Variants in KIAA0232 observed in about 807,000 individuals in gnomAD.
The protein encoded by KIAA0232 is KIAA0232.
Under a neutral mutation model 122.0 loss-of-function variants are expected in KIAA0232, and 27 were observed. That is an observed-to-expected ratio of 0.22 (90% CI 0.16 to 0.31). The LOEUF (loss-of-function observed/expected upper bound fraction) is 0.31. Ranked by LOEUF, KIAA0232 falls within the 10% of genes least tolerant of loss-of-function variation. KIAA0232 has a pLI of 1.00. For synonymous variants in KIAA0232, 613 were observed against 587.6 expected, an observed-to-expected ratio of 1.04 and a Z score of -0.63; for missense variants, 1,551 against 1,634.2, an observed-to-expected ratio of 0.95 and a Z score of 0.88.
rs201746856 is a variant in KIAA0232, at chr4:6,864,479, C to A, written c.3801+296C>A. ...ATTGGCCGGGTGCAGTGGCTCACGC[C>A]TGTAATCCCAGCACTTTGGGAGGCC... On this transcript the variant is annotated intron_variant, in intron 7 of 9. Transcript: ENST00000307659. 3.9e-5 allele frequency among the ~76,000 whole-genome samples: 6 copies of A among 152,182 alleles called. No homozygotes were observed. In the East Asian group the frequency reaches 5.8e-4, roughly 15 times the overall value.
intron 7 of KIAA0232, chr4:6,866,225 A>T (rs1721174044): frequency 1.0e-6 from 1 of 983,904 alleles, no homozygotes; most frequent in Non-Finnish European, 1.2e-6. Context: ...AAGAAGCAAG[A>T]TTCTACATCA....
intron 3 of KIAA0232, among the ~76,000 whole-genome samples, chr4:6,827,456 C>G (rs1718751669): frequency 6.6e-6 from 1 of 152,222 alleles, no homozygotes; most frequent in Non-Finnish European, 1.5e-5. Flanking sequence ...CTTTCCTGAT[C>G]TCTGGCTCAT....
rs1720887767 is a variant in KIAA0232, at chr4:6,861,861, G to A, written c.1479G>A (p.Glu493=). 1 of 1,614,000 alleles carries A rather than the reference G, an allele frequency of 6.2e-7. No individual in the cohort carries two copies. Among genetic ancestry groups the A allele is most frequent in the Non-Finnish European group, 8.5e-7 (1 of 1,179,958 alleles). Residue 493 remains glutamate, a synonymous_variant, in exon 7 of 10, where the codon GAG becomes GAA. Transcript: ENST00000307659. The part of the protein sequence containing the change: ...LTGTSLCSLP[E]DNKYLDDIHL... ...GGACCTCATTATGTTCTCTACCAGA[G>A]GACAATAAATACCTGGATGATATTC...
At chr4:6,844,675 ATCCACCTGCT>A (rs946745076) in intron 4 of KIAA0232, among the ~76,000 whole-genome samples, 1 of 152,152 alleles carries the variant, frequency 6.6e-6, no homozygotes, top group Non-Finnish European at 1.5e-5. Flanking sequence ...ACCTCAGGTG[ATCCACCTGCT>A]TCCACCTCCT....
At chr4:6,786,490 G>C (rs1023376902) in intron 1 of KIAA0232, among the ~76,000 whole-genome samples, 6 of 151,864 alleles carry the variant, frequency 4.0e-5, no homozygotes, top group African/African-American at 1.5e-4. Flanking sequence ...TTGTTTTTTT[G>C]TAGAAACGGG....
In KIAA0232 at chr4:6,783,699, G is replaced by A. The variant is rs548922581; in HGVS notation, c.-354+858G>A. On this transcript the variant is annotated intron_variant, in intron 1 of 9. Transcript: ENST00000307659. ...CCTATGGCGCGGGGCGCGGCGCGGG[G>A]GGCGGGCCTGGCGGGCGGGGCCGGT... 3.2e-3 allele frequency among the ~76,000 whole-genome samples: 480 copies of A among 150,778 alleles called. 11 individuals are homozygous for A. The highest frequency in any genetic ancestry group is 0.025 in the Admixed American group (381 of 15,142).
At position 6,857,606 on chromosome 4, in the gene KIAA0232, C is replaced by T. The variant is rs115711714; in HGVS notation, c.436+376C>T. The stretch of plus-strand genomic sequence containing the variant: ...CCCATCCTTGCCCCTCTGTTAATAT[C>T]TGCCTGTTGATGTTAAGACTGCTAA... On this transcript the variant is annotated intron_variant, in intron 5 of 9. Coordinates refer to ENST00000307659, the MANE Select transcript of KIAA0232 (RefSeq NM_014743.3). 7.8e-3 allele frequency among the ~76,000 whole-genome samples: 1,187 copies of T among 152,232 alleles called. 8 individuals carry two copies. Among genetic ancestry groups the T allele is most frequent in the Non-Finnish European group, 0.014 (972 of 68,008 alleles).
rs1718855680 is a variant in KIAA0232 at position 6,829,427 on chromosome 4, G to T, written c.231+4743G>T. 2.0e-5 allele frequency among the ~76,000 whole-genome samples: 3 copies of T among 152,166 alleles called. 1 individual carries two copies. The South Asian group carries it at 6.2e-4, about 31-fold the overall frequency. On this transcript the variant is annotated intron_variant, in intron 3 of 9. Transcript: ENST00000307659. ...TTATTAGTTGGGTGGTTGAAAAGTGGTGATTTTCCTAACTCAGTGATCCCC... is the reference window on the plus strand; with the variant it reads ...TTATTAGTTGGGTGGTTGAAAAGTGTTGATTTTCCTAACTCAGTGATCCCC...
Position 6,881,971 on chromosome 4 carries a change from G to C in KIAA0232, c.*1005G>C, listed in dbSNP as rs1272734684. 6.5e-6 allele frequency: 1 copy of C among 152,688 alleles called. No individual in the cohort carries two copies. The highest frequency in any genetic ancestry group is 1.5e-5 in the Non-Finnish European group (1 of 68,044). 9.5% of individuals were successfully genotyped at this position (152,688 alleles called of 1,614,324 possible). Reference sequence around the variant, plus strand: ...CATTTTGTGTTTGAGAGAATGTTCTGGGCAAGTTCTGTGTGTGGTGGGTTG... The same window carrying C: ...CATTTTGTGTTTGAGAGAATGTTCTCGGCAAGTTCTGTGTGTGGTGGGTTG... On this transcript the variant is annotated 3_prime_UTR_variant, in exon 10 of 10. Transcript: ENST00000307659.
intron 3 of KIAA0232, among the ~76,000 whole-genome samples, chr4:6,834,735 T>TA (rs1457524035): frequency 3.9e-5 from 6 of 152,098 alleles, no homozygotes; most frequent in Non-Finnish European, 7.4e-5. Context: ...ATGACCAGGT[T>TA]AAAAAAATAA....
intron 1 of KIAA0232, among the ~76,000 whole-genome samples, chr4:6,792,386 TA>T (rs1440995902): frequency 6.6e-6 from 1 of 152,154 alleles, no homozygotes; most frequent in African/African-American, 2.4e-5. Flanking sequence ...TCAGCAGCCT[TA>T]AAAAAATTGA....
chr4:6,801,551 C>T (rs952500632), intron 1 of KIAA0232, among the ~76,000 whole-genome samples: 1 of 151,362 alleles, frequency 6.6e-6, no homozygotes, highest in Non-Finnish European at 1.5e-5. Context: ...GACTTGATGG[C>T]CACACACTTG....
chr4:6,879,078 C>G (rs575263203), intron 9 of KIAA0232, among the ~76,000 whole-genome samples: 1 of 152,258 alleles, frequency 6.6e-6, no homozygotes, highest in East Asian at 1.9e-4. Context: ...TCTCCCACTT[C>G]TCCTCCTCTC....
intron 1 of KIAA0232, among the ~76,000 whole-genome samples, chr4:6,803,705 C>T (rs1717489548): frequency 6.6e-6 from 1 of 152,182 alleles, no homozygotes; most frequent in African/African-American, 2.4e-5. Flanking sequence ...TGACATGAGT[C>T]ATTTGGAAGT....
chr4:6,803,011 CAAAAAAAAAAA>C (rs746215162), intron 1 of KIAA0232, among the ~76,000 whole-genome samples: 1 of 48,482 alleles, frequency 2.1e-5, no homozygotes, highest in African/African-American at 7.9e-5. Flanking sequence ...CTGTCTTGAC[CAAAAAAAAAAA>C]AAAAAAAAAA....
At chr4:6,788,205 AT>A (rs2108858281) in intron 1 of KIAA0232, among the ~76,000 whole-genome samples, 1 of 151,924 alleles carries the variant, frequency 6.6e-6, no homozygotes, top group African/African-American at 2.4e-5. Flanking sequence ...TTTTGTAGAG[AT>A]GGGGTTTTGC....
chr4:6,861,065 A>C lies in KIAA0232; in HGVS notation c.683A>C (p.Glu228Ala). 6.2e-7 allele frequency: 1 copy of C among 1,614,244 alleles called. No individual in the cohort carries two copies. Among genetic ancestry groups the C allele is most frequent in the Non-Finnish European group, 8.5e-7 (1 of 1,180,036 alleles). Residue 228 changes from glutamate (E) to alanine (A), a missense_variant, in exon 7 of 10, where the codon GAA becomes GCA. Physicochemically the swap from Glu to Ala is moderately radical, Grantham distance 107 (BLOSUM62 -1). Transcript: ENST00000307659. The stretch of plus-strand genomic sequence containing the variant: ...TCCTCTCCTAAGGACTGCAACAGTG[A>C]AAGTGAAGTCACCAAGGAAAGAAGC... The part of the protein sequence containing the change: ...DTSSPKDCNS[E>A]SEVTKERSSE...
intron 3 of KIAA0232, among the ~76,000 whole-genome samples, chr4:6,837,921 G>A (rs1237118514): frequency 6.6e-6 from 1 of 152,072 alleles, no homozygotes. Flanking sequence ...GAGAGGGGGA[G>A]GGGGAGGGAG....
At chr4:6,817,297 G>A (rs74571046) in intron 2 of KIAA0232, among the ~76,000 whole-genome samples, 40,342 of 151,948 alleles carry the variant, frequency 0.27, 6,728 homozygotes, top group Non-Finnish European at 0.37. Flanking sequence ...CGCTGCAGCC[G>A]CCTCCTCCTC....
Sources: allele counts gnomAD v4.1 joint callset (sites outside exome capture counted in the v4.1 genomes callset), GRCh38; gene constraint gnomAD v4.1.1; transcripts MANE v1.5; gene names NCBI Gene and HGNC (gene_info 2026-07-23, HGNC 2026-07-21).